Variants in SGCD observed in about 807,000 individuals in gnomAD.
The protein encoded by SGCD is sarcoglycan delta, also known as delta-sarcoglycan.
In SGCD, 18 loss-of-function variants were observed where a neutral mutation model predicts 36.6. That is an observed-to-expected ratio of 0.49 (90% CI 0.34 to 0.73). The LOEUF is 0.73. SGCD is among the 30% of genes least tolerant of loss of function. The probability of loss-of-function intolerance (pLI) is 0.01; values close to 1 mark genes in which losing one functional copy is unlikely to be tolerated. For synonymous variants in SGCD, 133 were observed against 130.6 expected (o/e 1.02, Z -0.12); for missense variants, 387 against 346.7 (o/e 1.12, Z -0.92).
chr5:156,205,998 ATATATAT>A (rs558641369), intron 3 of SGCD, among the ~76,000 whole-genome samples: 15 of 147,800 alleles, frequency 1.0e-4, no homozygotes, highest in Middle Eastern at 3.6e-3. Context: ...TATTTTATAT[ATATATAT>A]TATATATTAT....
intron 3 of SGCD, among the ~76,000 whole-genome samples, chr5:156,204,295 A>G (rs1292565866): frequency 6.6e-6 from 1 of 152,058 alleles, no homozygotes; most frequent in East Asian, 1.9e-4. Flanking sequence ...CTCCAAAATG[A>G]TGGTTATGGT....
intron 1 of SGCD, among the ~76,000 whole-genome samples, chr5:155,878,710 T>C (rs1755816339): frequency 6.6e-6 from 1 of 152,130 alleles, no homozygotes; most frequent in Admixed American, 6.6e-5. Flanking sequence ...CAGCCAATGG[T>C]GTCTGTCACA....
At chr5:156,495,679 A>C (rs532662773) in intron 3 of SGCD, among the ~76,000 whole-genome samples, 1 of 152,314 alleles carries the variant, frequency 6.6e-6, no homozygotes, top group South Asian at 2.1e-4. Flanking sequence ...TAGGAATTTA[A>C]TCTGAACACT....
At chr5:156,337,809 T>C (rs933063875) in intron 2 of SGCD, among the ~76,000 whole-genome samples, 1 of 152,186 alleles carries the variant, frequency 6.6e-6, no homozygotes, top group East Asian at 1.9e-4. Flanking sequence ...TACTGACATA[T>C]ATAGTAGATG....
At chr5:155,842,158 T>C in the SGCD span, among the ~76,000 whole-genome samples, 1 of 151,570 alleles carries the variant, frequency 6.6e-6, no homozygotes, top group African/African-American at 2.4e-5. Context: ...TATTTGAACC[T>C]CTGGATCTAG....
intron 3 of SGCD, among the ~76,000 whole-genome samples, chr5:156,165,898 T>C (rs763026675): frequency 4.6e-5 from 7 of 152,250 alleles, no homozygotes; most frequent in Non-Finnish European, 8.8e-5. Flanking sequence ...TAGACTAGTG[T>C]GTCTTGCAAA....
intron 7 of SGCD, among the ~76,000 whole-genome samples, chr5:156,726,174 A>G (rs903479216): frequency 1.2e-4 from 19 of 152,278 alleles, no homozygotes; most frequent in South Asian, 6.2e-4. Context: ...AACTATTTGC[A>G]TCTTGTTTTC....
the SGCD span, among the ~76,000 whole-genome samples, chr5:155,863,380 C>G: frequency 1.3e-5 from 2 of 152,186 alleles, no homozygotes; most frequent in Admixed American, 6.5e-5. Context: ...GGGTTTTCCT[C>G]AAGATCTTCA....
chr5:155,799,842 A>G, the SGCD span, among the ~76,000 whole-genome samples: 9 of 82,966 alleles, frequency 1.1e-4, no homozygotes, highest in Non-Finnish European at 1.5e-4. Flanking sequence ...TTTTTTGGAG[A>G]TGGAGTCTCA....
At chr5:156,648,875 G>A (rs1448406148) in intron 7 of SGCD, among the ~76,000 whole-genome samples, 1 of 152,092 alleles carries the variant, frequency 6.6e-6, no homozygotes, top group African/African-American at 2.4e-5. Flanking sequence ...GAACCTTCGT[G>A]TCTGTGATGG....
chr5:155,783,152 A>G, the SGCD span, among the ~76,000 whole-genome samples: 1 of 152,310 alleles, frequency 6.6e-6, no homozygotes, highest in South Asian at 2.1e-4. Flanking sequence ...AAATGACACA[A>G]TAAATGTAAA....
chr5:156,597,264 G>A (rs147635071), intron 6 of SGCD, among the ~76,000 whole-genome samples: 33 of 150,776 alleles, frequency 2.2e-4, no homozygotes, highest in African/African-American at 7.7e-4. Flanking sequence ...AGATTTCTCT[G>A]GGTTGTAGGC....
intron 4 of SGCD, among the ~76,000 whole-genome samples, chr5:156,580,593 C>T (rs896227214): frequency 6.6e-6 from 1 of 152,100 alleles, no homozygotes; most frequent in Non-Finnish European, 1.5e-5. Context: ...AGGCTTTGTT[C>T]GTTTCTCTTT....
intron 4 of SGCD, among the ~76,000 whole-genome samples, chr5:156,542,748 C>G (rs1758400992): frequency 6.6e-6 from 1 of 152,162 alleles, no homozygotes; most frequent in Non-Finnish European, 1.5e-5. Context: ...GCCTCAATCT[C>G]TATTCTTTGC....
chr5:156,080,754 C>A (rs1351173089), intron 1 of SGCD, among the ~76,000 whole-genome samples: 1 of 152,180 alleles, frequency 6.6e-6, no homozygotes, highest in African/African-American at 2.4e-5. Flanking sequence ...CCATCTGAAA[C>A]CTCATCAGCC....
intron 1 of SGCD, among the ~76,000 whole-genome samples, chr5:155,941,436 T>A (rs1454633362): frequency 6.6e-6 from 1 of 151,992 alleles, no homozygotes; most frequent in Admixed American, 6.6e-5. Context: ...CTGTCACAGT[T>A]ATAATTATAT....
At chr5:155,752,775 A>G in the SGCD span, among the ~76,000 whole-genome samples, 2 of 152,182 alleles carry the variant, frequency 1.3e-5, no homozygotes, top group East Asian at 1.9e-4. Context: ...TTTGCTGGAT[A>G]AATTAACTTT....
At chr5:156,314,577 G>C (rs908649008) in intron 3 of SGCD, among the ~76,000 whole-genome samples, 1 of 151,982 alleles carries the variant, frequency 6.6e-6, no homozygotes, top group Non-Finnish European at 1.5e-5. Flanking sequence ...CTAGGCGTTG[G>C]TGAACACAGA....
chr5:155,896,052 T>C (rs564686286), intron 1 of SGCD, among the ~76,000 whole-genome samples: 1 of 152,334 alleles, frequency 6.6e-6, no homozygotes, highest in South Asian at 2.1e-4. Flanking sequence ...ATTGATTGGT[T>C]TTCCTATATT....
Sources: gnomAD v4.1 joint callset for allele counts (sites outside exome capture counted in the v4.1 genomes callset) on GRCh38, gnomAD v4.1.1 for gene constraint, MANE v1.5 for transcripts, NCBI Gene and HGNC (gene_info 2026-07-23, HGNC 2026-07-21) for gene names.